FCHO2: variants seen among roughly 807,000 people sequenced by gnomAD.
FCHO2 encodes FCH and mu domain containing endocytic adaptor 2.
A neutral mutation model predicts 114.1 loss-of-function variants in FCHO2; 43 were observed. That is an observed-to-expected ratio of 0.38 (90% confidence interval 0.30 to 0.49). The LOEUF is 0.49. Among genes scored for constraint, FCHO2 ranks in the 20% least tolerant of loss-of-function variants. The pLI, the probability that FCHO2 is intolerant of heterozygous loss-of-function variation, is 0.97. For missense variants in FCHO2, 807 were observed against 950.4 expected (o/e 0.85, Z 1.98); for synonymous variants, 293 against 315.2 (o/e 0.93, Z 0.75).
intron 8 of FCHO2, 84 bp downstream of exon 8, chr5:73,017,392 A>C: frequency 1.3e-6 from 1 of 790,854 alleles, no homozygotes; most frequent in Middle Eastern, 2.4e-4. Context: ...CATGTGGGTA[A>C]GGGGTAATTT....
chr5:73,040,026 G>T (rs1374243798), intron 10 of FCHO2, among the ~76,000 whole-genome samples: 1 of 151,002 alleles, frequency 6.6e-6, no homozygotes, highest in Non-Finnish European at 1.5e-5. Context: ...TGGATTAAGA[G>T]CAATGTAGTC....
rs1471215325 is a variant in FCHO2, at chr5:72,990,763, A to C, written c.394A>C (p.Ile132Leu). The change falls in exon 5 of 26, where the codon ATA becomes CTA. Residue 132 changes from isoleucine to leucine, a missense_variant. By Grantham distance (5) the Ile-to-Leu change is conservative. Transcript: ENST00000430046. ...GGAAGCTGTCCAAACCATTCAGAGCATAACTCAGGCCCTCCAGAAATCCAA... is the reference window on the plus strand; with the variant it reads ...GGAAGCTGTCCAAACCATTCAGAGCCTAACTCAGGCCCTCCAGAAATCCAA... ...TLEAVQTIQS[I>L]TQALQKSKEN... 6.4e-7 allele frequency: 1 copy of C among 1,557,198 alleles called. No homozygotes were observed. The highest frequency in any genetic ancestry group is 8.7e-7 in the Non-Finnish European group (1 of 1,149,698).
chr5:73,078,046 C>T, intron 21 of FCHO2, 134 bp from the exon 22 acceptor site: 3 of 561,256 alleles, frequency 5.3e-6, no homozygotes, highest in Non-Finnish European at 8.8e-6. Context: ...ATTCTTCATC[C>T]CCTGATCTAA....
chr5:73,052,643 G>A, intron 13 of FCHO2, 136 bp downstream of exon 13: 1 of 718,242 alleles, frequency 1.4e-6, no homozygotes, highest in Non-Finnish European at 2.1e-6. Context: ...TTTATACAGG[G>A]AAATAAACTT....
At chr5:73,025,390 T>TG (rs978091087) in intron 8 of FCHO2, among the ~76,000 whole-genome samples, 1 of 150,358 alleles carries the variant, frequency 6.7e-6, no homozygotes, top group African/African-American at 2.4e-5. Flanking sequence ...TTTTTTTTTT[T>TG]TTTTTGAGAT....
chr5:73,080,683 ATACT>A (rs1276777402), intron 22 of FCHO2, among the ~76,000 whole-genome samples: 9 of 152,176 alleles, frequency 5.9e-5, no homozygotes, highest in Admixed American at 1.3e-4. Context: ...TTCTAGAAAA[ATACT>A]TAAAGAACAA....
intron 18 of FCHO2, among the ~76,000 whole-genome samples, chr5:73,065,233 T>G (rs1467966371): frequency 6.6e-6 from 1 of 152,076 alleles, no homozygotes. Flanking sequence ...TTTAAAATAC[T>G]TCATTCTCTT....
chr5:73,032,094 G>A (rs1010203280), intron 8 of FCHO2, among the ~76,000 whole-genome samples: 3 of 152,176 alleles, frequency 2.0e-5, no homozygotes, highest in Non-Finnish European at 2.9e-5. Context: ...CATGCTACAG[G>A]GGGGGTCAGA....
At chr5:73,001,410 CTG>C (rs1754426259) in intron 5 of FCHO2, among the ~76,000 whole-genome samples, 1 of 136,728 alleles carries the variant, frequency 7.3e-6, no homozygotes. Context: ...GATTGCACCA[CTG>C]CACTACAGCC....
At chr5:72,996,497 A>G (rs1342261349) in intron 5 of FCHO2, among the ~76,000 whole-genome samples, 1 of 152,070 alleles carries the variant, frequency 6.6e-6, no homozygotes, top group East Asian at 1.9e-4. Context: ...TTCTCTGTAA[A>G]AACAGAAAAA....
chr5:73,038,765 C>T lies in FCHO2; in HGVS notation c.914+1550C>T, dbSNP rs115241043. 2.8e-3 allele frequency among the ~76,000 whole-genome samples: 431 copies of T among 152,264 alleles called. 2 individuals carry two copies. The highest frequency in any genetic ancestry group is 9.9e-3 in the African/African-American group (410 of 41,560). ...TAGTTATCAAATCTTCTGCAAATGTCTTTCTTGAGCATTTATGAAGGGTAT... is the reference window on the plus strand; with the variant it reads ...TAGTTATCAAATCTTCTGCAAATGTTTTTCTTGAGCATTTATGAAGGGTAT... On this transcript the variant is annotated intron_variant, in intron 10 of 25. Coordinates refer to ENST00000430046, the MANE Select transcript of FCHO2 (RefSeq NM_138782.3).
At chr5:72,985,049 C>T (rs1753430471) in intron 2 of FCHO2, among the ~76,000 whole-genome samples, 1 of 152,084 alleles carries the variant, frequency 6.6e-6, no homozygotes, top group Non-Finnish European at 1.5e-5. Flanking sequence ...CTAATAGGGC[C>T]CCATATCCTG....
chr5:73,032,092 A>T (rs894042601), intron 8 of FCHO2, among the ~76,000 whole-genome samples: 6 of 152,156 alleles, frequency 3.9e-5, no homozygotes, highest in Non-Finnish European at 7.4e-5. Flanking sequence ...GACATGCTAC[A>T]GGGGGGGTCA....
intron 5 of FCHO2, among the ~76,000 whole-genome samples, chr5:72,998,741 G>A (rs1019696899): frequency 1.3e-4 from 20 of 150,064 alleles, no homozygotes; most frequent in African/African-American, 9.8e-5. Flanking sequence ...GATGACTAGC[G>A]ATTACACATA....
intron 2 of FCHO2, among the ~76,000 whole-genome samples, chr5:72,972,281 T>C (rs1274118986): frequency 2.0e-5 from 3 of 151,528 alleles, no homozygotes; most frequent in African/African-American, 7.3e-5. Flanking sequence ...AATCTGTAAA[T>C]TACCTTGGGC....
intron 1 of FCHO2, among the ~76,000 whole-genome samples, chr5:72,957,544 C>T (rs1751623552): frequency 6.6e-6 from 1 of 152,180 alleles, no homozygotes; most frequent in Non-Finnish European, 1.5e-5. Flanking sequence ...ACTACTAATT[C>T]CTTTTTATGG....
At chr5:72,989,587 A>G (rs1561427027) in intron 3 of FCHO2, 86 bp downstream of exon 3, 2 of 921,254 alleles carry the variant, frequency 2.2e-6, no homozygotes, top group South Asian at 1.7e-5. Context: ...ATAACAGTTC[A>G]AAAGCATAGT....
intron 5 of FCHO2, 37 bp from the exon 6 acceptor site, chr5:73,006,408 T>A: frequency 1.5e-6 from 2 of 1,300,062 alleles, no homozygotes; most frequent in South Asian, 3.5e-5. Flanking sequence ...AAAAGGTCAA[T>A]GCACAGTTAA....
At chr5:72,977,585 G>A (rs898379719) in intron 2 of FCHO2, among the ~76,000 whole-genome samples, 7 of 152,178 alleles carry the variant, frequency 4.6e-5, no homozygotes, top group Non-Finnish European at 8.8e-5. Flanking sequence ...TCACTCTGAT[G>A]ATAGTTTCTT....
Sources: gnomAD v4.1 joint callset for allele counts (sites outside exome capture counted in the v4.1 genomes callset) on GRCh38, gnomAD v4.1.1 for gene constraint, MANE v1.5 for transcripts, NCBI Gene and HGNC (gene_info 2026-07-23, HGNC 2026-07-21) for gene names.